The following GTPBP1 variants were observed in gnomAD, a reference collection of about 807,000 sequenced individuals.
The protein encoded by GTPBP1 is GTP-binding protein 1.
A neutral mutation model predicts 62.0 loss-of-function variants in GTPBP1; 23 were observed. The ratio of observed to expected loss-of-function variants is 0.37; its 90% CI spans 0.27 to 0.53. The LOEUF (loss-of-function observed/expected upper bound fraction) is 0.53. Ranked by LOEUF, GTPBP1 falls within the 20% of genes least tolerant of loss-of-function variation. GTPBP1 has a pLI of 0.89. For synonymous variants in GTPBP1, 344 were observed against 364.4 expected, an observed-to-expected ratio of 0.94 and a Z score of 0.64; for missense variants, 640 against 917.3, an observed-to-expected ratio of 0.70 and a Z score of 3.90.
At chr22:38,715,881 G>C (rs1374238449) in intron 2 of GTPBP1, 26 bp from the exon 3 acceptor site, 1 of 1,582,444 alleles carries the variant, frequency 6.3e-7, no homozygotes, top group South Asian at 1.1e-5. Flanking sequence ...TCCCTCTCCT[G>C]CTGATGTCTG....
Position 38,706,155 on chromosome 22 carries a change from C to T in GTPBP1, c.192+8C>T. The stretch of plus-strand genomic sequence containing the variant: ...CTGGACCTCACCAGCAAGGTAGGCC[C>T]GGGCGGCGGCGGCGGGCGCTGAGGG... On this transcript the variant is annotated splice_region_variant and intron_variant, in intron 1 of 11. Coordinates refer to ENST00000216044, the MANE Select transcript of GTPBP1 (RefSeq NM_004286.5). 1.6e-6 allele frequency: 2 copies of T among 1,237,046 alleles called. No individual in the cohort carries two copies. Among genetic ancestry groups the T allele is most frequent in the Non-Finnish European group, 2.0e-6 (2 of 989,654 alleles). The allele number at this position is 1,237,046 out of a possible 1,614,324, so 76.6% of individuals were successfully genotyped here.
In GTPBP1 at chr22:38,730,651, C is replaced by T. The variant is rs749682793; in HGVS notation, c.1957C>T (p.Arg653Cys). ...TGGAGGCCGGCGACGAGGGGGCCAG[C>T]GCCACAAGGTGAAGTCCCAGGGGGC... ...SSGGRRRGGQ[R>C]HKVKSQGACV... Residue 653 changes from arginine (R) to cysteine (C), a missense_variant, in exon 12 of 12, where the codon CGC becomes TGC. Transcript: ENST00000216044. This position sits in a 1 kb window ranked among gnomAD's most constrained non-coding sequence, Gnocchi z 5.6. 5 of 1,605,858 alleles carry T rather than the reference C, an allele frequency of 3.1e-6. No homozygotes were observed. The highest frequency in any genetic ancestry group is 3.4e-6 in the Non-Finnish European group (4 of 1,178,978).
chr22:38,715,966 A>C lies in GTPBP1; in HGVS notation c.364A>C (p.Ser122Arg). 6.2e-7 allele frequency: 1 copy of C among 1,614,018 alleles called. No homozygotes were observed. Among genetic ancestry groups the C allele is most frequent in the Admixed American group, 1.7e-5 (1 of 60,016 alleles). Residue 122 changes from serine (S) to arginine (R), a missense_variant, in exon 3 of 12, where the codon AGC (serine) becomes CGC (arginine). This residue lies in a region of GTPBP1 where 215 missense variants were observed against 235.1 expected (regional missense o/e 0.91). Coordinates refer to ENST00000216044, the MANE Select transcript of GTPBP1 (RefSeq NM_004286.5). ...DMEASYATVK[S>R]MAEQIEADVI... ...GGAGGCCTCCTACGCCACAGTGAAG[A>C]GCATGGCGGAACAGATAGAGGCCGA...
rs898177039 is a variant in GTPBP1 at position 38,730,221 on chromosome 22, A to G, written c.1918-391A>G. On this transcript the variant is annotated intron_variant, in intron 11 of 11. Transcript: ENST00000216044. This position sits in a 1 kb window ranked among gnomAD's most constrained non-coding sequence, Gnocchi z 5.6. Reference sequence around the variant, plus strand: ...ACCCCTCTCCCCAGCATCTTTCTCCATTGTCCCCTCATTGGAAAAGGAGGC... The same window carrying G: ...ACCCCTCTCCCCAGCATCTTTCTCCGTTGTCCCCTCATTGGAAAAGGAGGC... 2.0e-5 allele frequency among the ~76,000 whole-genome samples: 3 copies of G among 151,968 alleles called. No homozygotes were observed. The highest frequency in any genetic ancestry group is 7.3e-5 in the African/African-American group (3 of 41,358).
downstream of GTPBP1, chr22:38,742,556 C>T: frequency 6.2e-7 from 1 of 1,607,538 alleles, no homozygotes; most frequent in Non-Finnish European, 8.5e-7. Flanking sequence ...GCTGCTCAGC[C>T]TGGAAGGGCA....
downstream of GTPBP1, chr22:38,739,777 G>A (rs770399092): frequency 1.1e-5 from 18 of 1,613,500 alleles, no homozygotes; most frequent in South Asian, 8.8e-5. The surrounding 1 kb of genome is among the most constrained non-coding windows in gnomAD (Gnocchi z 6.7). Context: ...CAGGGAGGCC[G>A]CGGCTTCCCT....
Position 38,726,820 on chromosome 22 carries a change from T to A in GTPBP1, c.1401+380T>A, listed in dbSNP as rs2092729229. Among the ~76,000 whole-genome samples the A allele has an allele frequency of 6.6e-6, 1 of 152,108 alleles. No homozygotes were observed. Among genetic ancestry groups the A allele is most frequent in the South Asian group, 2.1e-4 (1 of 4,824 alleles). On this transcript the variant is annotated intron_variant, in intron 8 of 11. Coordinates refer to ENST00000216044, the MANE Select transcript of GTPBP1 (RefSeq NM_004286.5). This position sits in a 1 kb window ranked among gnomAD's most constrained non-coding sequence, Gnocchi z 4.1. ...CTATCTCCTGGGGTTTGGGGTGGGTTGTAGTTCAGGGGTCACCTACCTTTA... is the reference window on the plus strand; with the variant it reads ...CTATCTCCTGGGGTTTGGGGTGGGTAGTAGTTCAGGGGTCACCTACCTTTA...
chr22:38,724,669 G>A (rs891470745), intron 6 of GTPBP1, among the ~76,000 whole-genome samples: 4 of 152,174 alleles, frequency 2.6e-5, no homozygotes, highest in Admixed American at 6.5e-5. Context: ...TTGGCATCCC[G>A]GCTGAGACTT....
intron 10 of GTPBP1, chr22:38,728,754 A>ATG (rs1181586673): frequency 4.5e-5 from 7 of 155,142 alleles, no homozygotes; most frequent in African/African-American, 1.4e-4. Flanking sequence ...CCCTGGGGCT[A>ATG]CAGATGTCCT....
At chr22:38,737,064 C>T (rs1180027352), downstream of GTPBP1, among the ~76,000 whole-genome samples, 1 of 152,194 alleles carries the variant, frequency 6.6e-6, no homozygotes, top group African/African-American at 2.4e-5. The surrounding 1 kb of genome is among the most constrained non-coding windows in gnomAD (Gnocchi z 4.1). Context: ...CCAGCCTGGT[C>T]TTGAACTCCT....
intron 6 of GTPBP1, among the ~76,000 whole-genome samples, 169 bp downstream of exon 6, chr22:38,724,580 G>A (rs145349776): frequency 1.7e-4 from 26 of 152,178 alleles, no homozygotes; most frequent in Non-Finnish European, 2.2e-4. Flanking sequence ...CAATCTTAGC[G>A]CAGGGTCTCC....
chr22:38,709,010 G>A, intron 2 of GTPBP1, 54 bp downstream of exon 2: 1 of 1,099,946 alleles, frequency 9.1e-7, no homozygotes, highest in Admixed American at 1.7e-5. Context: ...GCCGGGTGCG[G>A]TGGCCCTGCC....
chr22:38,707,274 A>G (rs2092610799), intron 1 of GTPBP1, among the ~76,000 whole-genome samples: 1 of 152,262 alleles, frequency 6.6e-6, no homozygotes, highest in South Asian at 2.1e-4. Context: ...TACGATAGAC[A>G]TTTTATCCAG....
chr22:38,728,269 G>A, intron 10 of GTPBP1, 108 bp downstream of exon 10: 1 of 783,680 alleles, frequency 1.3e-6, no homozygotes, highest in Non-Finnish European at 2.1e-6. Context: ...GGGAGAGCTG[G>A]ACCCACTGAG....
chr22:38,724,665 TC>T lies in GTPBP1; in HGVS notation c.1073+257del, dbSNP rs1283535036. On this transcript the variant is annotated intron_variant, in intron 6 of 11. Transcript: ENST00000216044. ...GGTGCTGGCATTCCTGGGGTTGGCA[TC>T]CCGGCTGAGACTTCAGTGTCCTTAT... Among the ~76,000 whole-genome samples, 56 of 152,318 alleles carry T rather than the reference TC, an allele frequency of 3.7e-4. 1 individual carries two copies. Among genetic ancestry groups the T allele is most frequent in the Non-Finnish European group, 2.1e-4 (14 of 68,032 alleles).
At position 38,730,357 on chromosome 22, in the gene GTPBP1, C is replaced by T. The variant is rs934971377; in HGVS notation, c.1918-255C>T. Among the ~76,000 whole-genome samples the T allele has an allele frequency of 1.3e-5, 2 of 152,230 alleles. No individual in the cohort carries two copies. The highest frequency in any genetic ancestry group is 1.5e-5 in the Non-Finnish European group (1 of 68,038). ...CTCTGCTTTGTGCTTCTCTGAACGG[C>T]CGCTTCTCACACCCTCATCATGTGT... On this transcript the variant is annotated intron_variant, in intron 11 of 11. Transcript: ENST00000216044. The surrounding 1 kb of genome is among the most constrained non-coding windows in gnomAD (Gnocchi z 5.6).
chr22:38,713,118 A>G lies in GTPBP1; in HGVS notation c.305-2789A>G, dbSNP rs553680408. Among the ~76,000 whole-genome samples the G allele has an allele frequency of 2.0e-5, 3 of 152,282 alleles. No homozygotes were observed. The South Asian group carries it at 6.2e-4, about 32-fold the overall frequency. On this transcript the variant is annotated intron_variant, in intron 2 of 11. Coordinates refer to ENST00000216044, the MANE Select transcript of GTPBP1 (RefSeq NM_004286.5). ...GAATGAGTAGGATTTTGCTAGGAGG[A>G]GGTGCGCTGTTGGGCTTTCAGGATA...
At chr22:38,710,465 C>G (rs147144367) in intron 2 of GTPBP1, among the ~76,000 whole-genome samples, 3,386 of 152,266 alleles carry the variant, frequency 0.022, 51 homozygotes, top group Middle Eastern at 0.058. Flanking sequence ...TTCTTTCCTT[C>G]CCATCCTTGC....
In GTPBP1 at chr22:38,716,733, A is replaced by G; in HGVS notation, c.567A>G (p.Arg189=). Residue 189 remains arginine, a synonymous_variant, in exon 4 of 12, where the codon CGA becomes CGG. Coordinates refer to ENST00000216044, the MANE Select transcript of GTPBP1 (RefSeq NM_004286.5). This position sits in a 1 kb window ranked among gnomAD's most constrained non-coding sequence, Gnocchi z 5.2. ...VLTHGELDNG[R]GFARQKLFRH... ...CACATGGGGAGCTGGACAATGGCCG[A>G]GGCTTTGCCCGCCAGAAACTCTTCC... The G allele has an allele frequency of 3.1e-6, 5 of 1,614,150 alleles. No homozygotes were observed. The highest frequency in any genetic ancestry group is 1.7e-6 in the Non-Finnish European group (2 of 1,180,026).
Sources: allele counts gnomAD v4.1 joint callset (sites outside exome capture counted in the v4.1 genomes callset), GRCh38; gene constraint gnomAD v4.1.1; regional missense constraint gnomAD v4.1.1; non-coding constraint Gnocchi (gnomAD v3.1); transcripts MANE v1.5; gene names NCBI Gene and HGNC (gene_info 2026-07-23, HGNC 2026-07-21).